Variants in CSMD1 observed in about 807,000 individuals in gnomAD.
CSMD1 encodes the protein CUB and Sushi multiple domains 1.
CSMD1 carries 213 observed loss-of-function variants against 417.5 expected under a neutral mutation model. The ratio of observed to expected loss-of-function variants is 0.51; its 90% CI spans 0.46 to 0.57. The LOEUF is 0.57. CSMD1 is among the 20% of genes least tolerant of loss of function. The pLI is 0.00. For synonymous variants in CSMD1, 2,862 were observed against 1,736.8 expected (o/e 1.65, Z -16.11); for missense variants, 6,923 against 4,529.7 (o/e 1.53, Z -15.17).
intron 5 of CSMD1, among the ~76,000 whole-genome samples, chr8:3,758,197 C>T (rs2129055135): frequency 6.6e-6 from 1 of 152,250 alleles, no homozygotes; most frequent in East Asian, 1.9e-4. Context: ...CTCCTGACCT[C>T]AGGTGATCCA....
chr8:4,350,814 G>A (rs551442669), intron 3 of CSMD1, among the ~76,000 whole-genome samples: 1 of 152,254 alleles, frequency 6.6e-6, no homozygotes, highest in African/African-American at 2.4e-5. Context: ...ACTTTAGCAA[G>A]ATGACTTTGC....
intron 1 of CSMD1, among the ~76,000 whole-genome samples, chr8:4,766,596 A>T (rs542698571): frequency 6.6e-6 from 1 of 152,330 alleles, no homozygotes; most frequent in South Asian, 2.1e-4. Context: ...CAGGGCATTT[A>T]TTGCGTGTTT....
chr8:3,322,767 G>A (rs972516349), intron 23 of CSMD1, among the ~76,000 whole-genome samples: 20 of 152,222 alleles, frequency 1.3e-4, no homozygotes, highest in Non-Finnish European at 2.4e-4. Context: ...TACTTAACCC[G>A]CAAACCTCAA....
chr8:4,981,029 A>T (rs964918104), intron 1 of CSMD1, among the ~76,000 whole-genome samples: 1 of 152,250 alleles, frequency 6.6e-6, no homozygotes, highest in Non-Finnish European at 1.5e-5. Flanking sequence ...AGGTTGACAT[A>T]GTTAGAAGAA....
chr8:4,096,110 T>G (rs991270069), intron 3 of CSMD1, among the ~76,000 whole-genome samples: 3 of 152,144 alleles, frequency 2.0e-5, no homozygotes, highest in Non-Finnish European at 4.4e-5. Context: ...TGTTGGATGG[T>G]TCCTCAAAAA....
intron 3 of CSMD1, among the ~76,000 whole-genome samples, chr8:4,119,989 T>A (rs1024586494): frequency 6.6e-6 from 1 of 152,122 alleles, no homozygotes; most frequent in Non-Finnish European, 1.5e-5. Context: ...AGACCTAGTA[T>A]TTGATAGCAC....
At chr8:3,274,880 C>T (rs1052438353) in intron 26 of CSMD1, among the ~76,000 whole-genome samples, 2 of 152,088 alleles carry the variant, frequency 1.3e-5, no homozygotes, top group Admixed American at 1.3e-4. Flanking sequence ...GACTCTGTGT[C>T]CAGTTTGCCA....
intron 1 of CSMD1, among the ~76,000 whole-genome samples, chr8:4,925,175 G>C (rs555200099): frequency 1.4e-5 from 2 of 139,996 alleles, no homozygotes; most frequent in East Asian, 2.3e-4. Flanking sequence ...CATCACTATG[G>C]TTAATCAGAG....
chr8:4,553,843 G>C (rs530976911), intron 2 of CSMD1, among the ~76,000 whole-genome samples: 1 of 152,140 alleles, frequency 6.6e-6, no homozygotes, highest in Non-Finnish European at 1.5e-5. Flanking sequence ...GGGTTAGCTG[G>C]GAAGACACAG....
chr8:4,339,836 C>T (rs1800374208), intron 3 of CSMD1, among the ~76,000 whole-genome samples: 1 of 151,970 alleles, frequency 6.6e-6, no homozygotes, highest in South Asian at 2.1e-4. Context: ...TCAGCCTGGG[C>T]AACAAAGTAA....
intron 3 of CSMD1, among the ~76,000 whole-genome samples, chr8:4,311,750 A>G (rs924948896): frequency 2.0e-5 from 3 of 151,618 alleles, no homozygotes; most frequent in Non-Finnish European, 2.9e-5. Context: ...AGTAGAATCT[A>G]AATTATGAGA....
intron 5 of CSMD1, among the ~76,000 whole-genome samples, chr8:3,768,775 T>C (rs1165417991): frequency 2.0e-5 from 3 of 152,196 alleles, no homozygotes; most frequent in Non-Finnish European, 2.9e-5. Flanking sequence ...CTCTCAGAAA[T>C]CGTAAGGCTT....
chr8:3,651,702 A>G (rs1283588595), intron 7 of CSMD1, among the ~76,000 whole-genome samples: 2 of 151,956 alleles, frequency 1.3e-5, no homozygotes, highest in East Asian at 3.9e-4. Flanking sequence ...CAGAGCGCTT[A>G]CCACCATCAC....
intron 4 of CSMD1, among the ~76,000 whole-genome samples, chr8:4,016,531 C>T (rs1305673690): frequency 6.6e-6 from 1 of 152,062 alleles, no homozygotes; most frequent in Non-Finnish European, 1.5e-5. Context: ...GGATCTGGGG[C>T]TATGAGAAGG....
chr8:3,883,687 A>C (rs1319072559), intron 5 of CSMD1, among the ~76,000 whole-genome samples: 1 of 152,132 alleles, frequency 6.6e-6, no homozygotes, highest in Non-Finnish European at 1.5e-5. Flanking sequence ...TCAATCATGT[A>C]CCATGTATTA....
At chr8:3,557,387 C>T (rs568587936) in intron 10 of CSMD1, among the ~76,000 whole-genome samples, 3 of 152,130 alleles carry the variant, frequency 2.0e-5, no homozygotes, top group South Asian at 2.1e-4. Context: ...ATCATTTATT[C>T]GTGACCATTT....
chr8:4,588,511 C>G (rs139099982), intron 2 of CSMD1, among the ~76,000 whole-genome samples: 9 of 152,024 alleles, frequency 5.9e-5, no homozygotes, highest in Non-Finnish European at 8.8e-5. Flanking sequence ...AAACTCTACT[C>G]TGGCCGGGCA....
rs137962406 is a variant in CSMD1 at position 4,577,338 on chromosome 8, T to G, written c.302+60004A>C. Among the ~76,000 whole-genome samples, 252 of 152,290 alleles carry G rather than the reference T, an allele frequency of 1.7e-3. 1 individual carries two copies. The highest frequency in any genetic ancestry group is 5.8e-3 in the African/African-American group (243 of 41,558). ...TTTCAATAATGATGCCCCAAAATAT[T>G]TAGGAGAGCTTATTTCAGAATTACC... is the stretch of plus-strand genomic sequence containing the variant. On this transcript the variant is annotated intron_variant, in intron 2 of 69. Transcript: ENST00000635120.
chr8:4,047,533 ATTCATTCATTCC>A (rs1231092937), intron 3 of CSMD1, among the ~76,000 whole-genome samples: 2 of 151,844 alleles, frequency 1.3e-5, no homozygotes, highest in African/African-American at 4.9e-5. Flanking sequence ...TCATTCATTC[ATTCATTCATTCC>A]ACAAATATTT....
Sources: allele counts gnomAD v4.1 joint callset (sites outside exome capture counted in the v4.1 genomes callset), GRCh38; gene constraint gnomAD v4.1.1; transcripts MANE v1.5; gene names NCBI Gene and HGNC (gene_info 2026-07-23, HGNC 2026-07-21).